The following RNF4 variants were observed in gnomAD, a reference collection of about 807,000 sequenced individuals.
RNF4 encodes E3 ubiquitin-protein ligase RNF4.
Under a neutral mutation model 24.3 loss-of-function variants are expected in RNF4, and 7 were observed. That is an observed-to-expected ratio of 0.29 (90% CI 0.16 to 0.54). The LOEUF (loss-of-function observed/expected upper bound fraction) is 0.54. Among genes scored for constraint, RNF4 ranks in the 20% least tolerant of loss-of-function variants. The pLI, the probability that RNF4 is intolerant of heterozygous loss-of-function variation, is 0.95. For missense variants in RNF4, 209 were observed against 248.5 expected, an observed-to-expected ratio of 0.84 and a Z score of 1.07; for synonymous variants, 83 against 84.3, an observed-to-expected ratio of 0.98 and a Z score of 0.09.
intron 1 of RNF4, among the ~76,000 whole-genome samples, chr4:2,479,028 C>T (rs554269201): frequency 6.6e-5 from 10 of 152,360 alleles, no homozygotes; most frequent in African/African-American, 2.4e-4. Flanking sequence ...GAACTCACCT[C>T]TTGGATCAGC....
chr4:2,496,919 G>A, intron 2 of RNF4, 88 bp from the exon 3 acceptor site: 1 of 927,224 alleles, frequency 1.1e-6, no homozygotes, highest in South Asian at 1.7e-5. Context: ...TCTTAATGAA[G>A]TGAACCATTT....
At chr4:2,505,278 C>G (rs1044928233) in intron 4 of RNF4, 3 of 151,384 alleles carry the variant, frequency 2.0e-5, no homozygotes, top group Non-Finnish European at 4.4e-5. Context: ...CCAGTGCTGT[C>G]TGGAATAATT....
At chr4:2,477,167 G>C (rs957266556) in intron 1 of RNF4, among the ~76,000 whole-genome samples, 3 of 152,322 alleles carry the variant, frequency 2.0e-5, no homozygotes, top group Admixed American at 1.3e-4. Flanking sequence ...TGGTTTGGCT[G>C]TGTCCCCACC....
intron 4 of RNF4, chr4:2,505,109 C>G (rs1183940164): frequency 6.6e-6 from 1 of 152,038 alleles, no homozygotes; most frequent in Non-Finnish European, 1.5e-5. Context: ...ACTTTAGTAC[C>G]TAGCTCATCC....
At chr4:2,481,225 T>C (rs941190240) in intron 1 of RNF4, 1 of 152,208 alleles carries the variant, frequency 6.6e-6, no homozygotes, top group Non-Finnish European at 1.5e-5. Flanking sequence ...AGTATCACAG[T>C]TACTTGTATT....
chr4:2,488,282 G>A (rs914184507), intron 1 of RNF4, among the ~76,000 whole-genome samples: 1 of 152,192 alleles, frequency 6.6e-6, no homozygotes, highest in South Asian at 2.1e-4. Context: ...GGCCAACCTG[G>A]TGGAAACCCC....
At chr4:2,496,751 G>A (rs1255271582) in intron 2 of RNF4, among the ~76,000 whole-genome samples, 1 of 152,072 alleles carries the variant, frequency 6.6e-6, no homozygotes, top group South Asian at 2.1e-4. Context: ...GAGCCACCAT[G>A]CCCAGCCGAC....
Position 2,514,000 on chromosome 4 carries a change from G to T in RNF4, c.*181G>T. 1 of 795,970 alleles carries T rather than the reference G, an allele frequency of 1.3e-6. No individual in the cohort carries two copies. Among genetic ancestry groups the T allele is most frequent in the Non-Finnish European group, 2.0e-6 (1 of 508,662 alleles). 49.3% of individuals were successfully genotyped at this position (795,970 alleles called of 1,614,324 possible). A position where few individuals can be genotyped will look rare whatever the true frequency, so the allele number is the denominator to read the frequency against. On this transcript the variant is annotated 3_prime_UTR_variant, in exon 8 of 8. Transcript: ENST00000314289. Reference sequence around the variant, plus strand: ...ATCTCCAGTTTGATGCTATGGCGCTGGACCCAGGGCCCTCCCAGGCCATCT... The same window carrying T: ...ATCTCCAGTTTGATGCTATGGCGCTTGACCCAGGGCCCTCCCAGGCCATCT...
At chr4:2,510,644 G>A (rs1448038653) in intron 4 of RNF4, among the ~76,000 whole-genome samples, 1 of 152,218 alleles carries the variant, frequency 6.6e-6, no homozygotes, top group Non-Finnish European at 1.5e-5. Flanking sequence ...CAGAGTAGAG[G>A]ATTAGAGCTT....
intron 4 of RNF4, among the ~76,000 whole-genome samples, chr4:2,503,628 C>G (rs1436604883): frequency 6.6e-6 from 1 of 152,316 alleles, no homozygotes; most frequent in East Asian, 1.9e-4. Context: ...TGAATTTACA[C>G]TGAGACATAT....
rs112680139 is a variant in RNF4, at chr4:2,508,357, T to C, written c.205-3599T>C. ...AGGCATTTATGAAGCGCTGGTACTCTTCCCTCTGCACCTATCTTCTGTGCT... is the reference window on the plus strand; with the variant it reads ...AGGCATTTATGAAGCGCTGGTACTCCTCCCTCTGCACCTATCTTCTGTGCT... On this transcript the variant is annotated intron_variant, in intron 4 of 7. Transcript: ENST00000314289. 8.4e-3 allele frequency among the ~76,000 whole-genome samples: 1,284 copies of C among 152,326 alleles called. 23 individuals are homozygous for C. Among genetic ancestry groups the C allele is most frequent in the African/African-American group, 0.028 (1,182 of 41,582 alleles).
intron 2 of RNF4, chr4:2,494,829 G>A (rs1406133934): frequency 2.6e-5 from 4 of 152,202 alleles, no homozygotes; most frequent in Non-Finnish European, 4.4e-5. Flanking sequence ...AGCATGCCAA[G>A]GTAAATATTT....
At chr4:2,501,614 G>A (rs912251343) in intron 4 of RNF4, among the ~76,000 whole-genome samples, 4 of 152,238 alleles carry the variant, frequency 2.6e-5, no homozygotes, top group African/African-American at 9.6e-5. Flanking sequence ...TTAAGGGCAA[G>A]TTTGCCTCTG....
At chr4:2,504,333 A>G (rs1309544459) in intron 4 of RNF4, among the ~76,000 whole-genome samples, 1 of 152,150 alleles carries the variant, frequency 6.6e-6, no homozygotes, top group Non-Finnish European at 1.5e-5. Context: ...AGCAGTTCAC[A>G]TTCATGCCAG....
intron 3 of RNF4, among the ~76,000 whole-genome samples, chr4:2,497,796 G>A (rs930488293): frequency 1.4e-4 from 22 of 152,028 alleles, no homozygotes; most frequent in Non-Finnish European, 2.6e-4. Flanking sequence ...CACCACACCC[G>A]GCTAATTTTT....
At position 2,497,040 on chromosome 4, in the gene RNF4, C is replaced by G; in HGVS notation, c.43C>G (p.Gln15Glu). 3 of 1,607,340 alleles carry G rather than the reference C, an allele frequency of 1.9e-6. No homozygotes were observed. The South Asian group carries it at 3.4e-5, about 18-fold the overall frequency. Residue 15 changes from glutamine (Q) to glutamate (E), a missense_variant, in exon 3 of 8, where the codon CAA becomes GAA. By Grantham distance (29) the Gln-to-Glu change is conservative (BLOSUM62 2). Around this residue, in one of 3 missense-constraint regions of RNF4, gnomAD observed 182 missense variants for 197.2 expected, o/e 0.92. Transcript: ENST00000314289. ...TCGTGGTGGAGCAATAAATTCTAGA[C>G]AAGCTCAGAAGCGAACTCGGGAAGC... Reference protein sequence around the residue: ...KRRGGAINSRQAQKRTREATS... With the variant: ...KRRGGAINSREAQKRTREATS...
intron 1 of RNF4, chr4:2,480,659 A>G (rs1402632921): frequency 1.3e-5 from 2 of 152,160 alleles, no homozygotes; most frequent in Non-Finnish European, 2.9e-5. Flanking sequence ...TAAGTATTTG[A>G]TAAGTTATGT....
At chr4:2,499,232 C>G (rs1451117979) in intron 3 of RNF4, 9 of 427,330 alleles carry the variant, frequency 2.1e-5, no homozygotes, top group Non-Finnish European at 4.2e-5. Context: ...AAGACACTTT[C>G]CCCAAATATT....
At chr4:2,478,657 G>A (rs911006759) in intron 1 of RNF4, among the ~76,000 whole-genome samples, 4 of 152,366 alleles carry the variant, frequency 2.6e-5, no homozygotes, top group South Asian at 2.1e-4. Context: ...CTGCGAGTGC[G>A]CAGAAGTCAA....
Sources: gnomAD v4.1 joint callset for allele counts (sites outside exome capture counted in the v4.1 genomes callset) on GRCh38, gnomAD v4.1.1 for gene constraint, gnomAD v4.1.1 regional missense constraint, MANE v1.5 for transcripts, NCBI Gene and HGNC (gene_info 2026-07-23, HGNC 2026-07-21) for gene names.